Variants in GPSM1 observed in about 807,000 individuals in gnomAD.
The protein encoded by GPSM1 is G protein-signaling modulator 1.
GPSM1 carries 48 observed loss-of-function variants against 70.5 expected under a neutral mutation model. The ratio of observed to expected loss-of-function variants is 0.68; its 90% CI spans 0.54 to 0.87. GPSM1 has a LOEUF of 0.87. Ranked by LOEUF, GPSM1 falls within the 40% of genes least tolerant of loss-of-function variation. GPSM1 has a pLI of 0.00. For missense variants in GPSM1, 981 were observed against 972.6 expected, an observed-to-expected ratio of 1.01 and a Z score of -0.11; for synonymous variants, 416 against 430.1, an observed-to-expected ratio of 0.97 and a Z score of 0.41.
At position 136,341,306 on chromosome 9, in the gene GPSM1, G is replaced by C; in HGVS notation, c.1207+313G>C. Reference sequence around the variant, plus strand: ...CCCTGGAGCCCTCGGTGCAGGGAGGGCTTCTGTCCTCAGACCCAAGTAGGA... The same window carrying C: ...CCCTGGAGCCCTCGGTGCAGGGAGGCCTTCTGTCCTCAGACCCAAGTAGGA... On this transcript the variant is annotated intron_variant, in intron 9 of 13. Coordinates refer to ENST00000440944, the MANE Select transcript of GPSM1 (RefSeq NM_001145638.3). The surrounding 1 kb of genome is among the most constrained non-coding windows in gnomAD (Gnocchi z 6.7). The C allele has an allele frequency of 6.9e-7, 1 of 1,449,920 alleles. No homozygotes were observed. The highest frequency in any genetic ancestry group is 1.5e-5 in the South Asian group (1 of 68,242). The allele number at this position is 1,449,920 out of a possible 1,614,324, so 89.8% of individuals were successfully genotyped here. A position where few individuals can be genotyped will look rare whatever the true frequency, so the allele number is the denominator to read the frequency against.
intron 6 of GPSM1, 62 bp from the exon 7 acceptor site, chr9:136,338,493 T>C (rs1409305459): frequency 6.6e-7 from 1 of 1,517,258 alleles, no homozygotes; most frequent in Non-Finnish European, 8.9e-7. Flanking sequence ...GTCCCCATTC[T>C]TACCTTCCAC....
chr9:136,357,004 G>A (rs1481966132), intron 13 of GPSM1, among the ~76,000 whole-genome samples: 1 of 152,214 alleles, frequency 6.6e-6, no homozygotes, highest in African/African-American at 2.4e-5. Flanking sequence ...GACCATCCAG[G>A]GACCACACAG....
intron 5 of GPSM1, 114 bp downstream of exon 5, chr9:136,337,678 G>T: frequency 9.3e-7 from 1 of 1,077,614 alleles, no homozygotes; most frequent in Non-Finnish European, 1.4e-6. Context: ...CAGCAGGCCC[G>T]CCCCACCGAG....
chr9:136,342,294 A>G lies in GPSM1; in HGVS notation c.1207+1301A>G, dbSNP rs1832410457. Reference sequence around the variant, plus strand: ...ATCTGGGACCCCAGCAGCAACTGGCAGCAGGGCTGGGAGCAGCTCTGGAAA... The same window carrying G: ...ATCTGGGACCCCAGCAGCAACTGGCGGCAGGGCTGGGAGCAGCTCTGGAAA... On this transcript the variant is annotated intron_variant, in intron 9 of 13. Coordinates refer to ENST00000440944, the MANE Select transcript of GPSM1 (RefSeq NM_001145638.3). The surrounding 1 kb of genome is among the most constrained non-coding windows in gnomAD (Gnocchi z 5.5). 6.6e-6 allele frequency among the ~76,000 whole-genome samples: 1 copy of G among 152,150 alleles called. No homozygotes were observed. Among genetic ancestry groups the G allele is most frequent in the Admixed American group, 6.5e-5 (1 of 15,274 alleles).
chr9:136,336,205 A>G, intron 3 of GPSM1, 104 bp downstream of exon 3: 1 of 1,316,310 alleles, frequency 7.6e-7, no homozygotes, highest in Non-Finnish European at 1.0e-6. Context: ...CCAGCTCCTC[A>G]TGGGAGGGAT....
chr9:136,352,025 C>T (rs1554772185), intron 11 of GPSM1, among the ~76,000 whole-genome samples: 1 of 151,334 alleles, frequency 6.6e-6, no homozygotes, highest in East Asian at 1.9e-4. Context: ...CAGTTGGGGT[C>T]CTCATCTGCA....
At chr9:136,338,006 G>C (rs782291012) in intron 6 of GPSM1, 45 bp downstream of exon 6, 3 of 1,293,742 alleles carry the variant, frequency 2.3e-6, no homozygotes, top group Non-Finnish European at 3.3e-6. Flanking sequence ...AGGCCGGGGG[G>C]GCTGGATGCC....
Position 136,340,238 on chromosome 9 carries a change from C to T in GPSM1, c.1083+423C>T, listed in dbSNP as rs1410117554. 1.3e-5 allele frequency among the ~76,000 whole-genome samples: 2 copies of T among 152,172 alleles called. No homozygotes were observed. Among genetic ancestry groups the T allele is most frequent in the Non-Finnish European group, 2.9e-5 (2 of 68,034 alleles). On this transcript the variant is annotated intron_variant, in intron 8 of 13. Coordinates refer to ENST00000440944, the MANE Select transcript of GPSM1 (RefSeq NM_001145638.3). This position sits in a 1 kb window ranked among gnomAD's most constrained non-coding sequence, Gnocchi z 7.3. ...TAAAGACGGTGCCAGCCCCTACTGA[C>T]CACCATAGACCCATGTAGGAGGTGG...
At chr9:136,344,847 G>C (rs1832482165) in intron 9 of GPSM1, among the ~76,000 whole-genome samples, 1 of 152,222 alleles carries the variant, frequency 6.6e-6, no homozygotes, top group Admixed American at 6.5e-5. Context: ...CCTTGTGTGA[G>C]ACCCCCTCCC....
intron 2 of GPSM1, 71 bp from the exon 3 acceptor site, chr9:136,335,895 C>G: frequency 6.6e-7 from 1 of 1,510,270 alleles, no homozygotes; most frequent in Admixed American, 1.9e-5. Context: ...CCACCCCATG[C>G]TCAGCCTCCC....
At chr9:136,339,653 G>A in intron 7 of GPSM1, 54 bp from the exon 8 acceptor site, 2 of 1,252,850 alleles carry the variant, frequency 1.6e-6, no homozygotes, top group Non-Finnish European at 2.3e-6. Flanking sequence ...AGGGGCTGGG[G>A]CTGGGGGCTG....
intron 1 of GPSM1, among the ~76,000 whole-genome samples, chr9:136,329,519 C>T (rs1017636366): frequency 6.6e-6 from 1 of 152,102 alleles, no homozygotes; most frequent in Admixed American, 6.5e-5. Context: ...CACCTGCTGG[C>T]GTGGGCGGTG....
At chr9:136,347,311 C>T (rs1349933964) in intron 9 of GPSM1, among the ~76,000 whole-genome samples, 1 of 152,084 alleles carries the variant, frequency 6.6e-6, no homozygotes, top group Non-Finnish European at 1.5e-5. Flanking sequence ...GTTCTGGCCC[C>T]GCCCTCGGAC....
intron 11 of GPSM1, among the ~76,000 whole-genome samples, chr9:136,350,348 C>A (rs1832630476): frequency 6.6e-6 from 1 of 152,124 alleles, no homozygotes; most frequent in African/African-American, 2.4e-5. Context: ...CCAACACAGT[C>A]CCTGGGGGAA....
At chr9:136,339,482 A>G (rs72775743) in intron 7 of GPSM1, among the ~76,000 whole-genome samples, 143,515 of 152,368 alleles carry the variant, frequency 0.94, 67,667 homozygotes, top group East Asian at 1. Context: ...TAATGGGAAG[A>G]AAAAAGGCAG....
At chr9:136,352,300 TGTTGGTGA>T in intron 11 of GPSM1, among the ~76,000 whole-genome samples, 1 of 147,346 alleles carries the variant, frequency 6.8e-6, no homozygotes, top group Non-Finnish European at 1.5e-5. Context: ...GCGCCGTTGC[TGTTGGTGA>T]CACCGATGCT....
chr9:136,337,325 C>A lies in GPSM1; in HGVS notation c.579-116C>A, dbSNP rs782579763. 27 of 1,455,996 alleles carry A rather than the reference C, an allele frequency of 1.9e-5. 1 individual carries two copies. The South Asian group carries it at 3.2e-4, about 17-fold the overall frequency. The allele number at this position is 1,455,996 out of a possible 1,614,324, so 90.2% of individuals were successfully genotyped here. A position where few individuals can be genotyped will look rare whatever the true frequency, so the allele number is the denominator to read the frequency against. The stretch of plus-strand genomic sequence containing the variant: ...GACCCTGGAGCCTACCCTAGCCACC[C>A]TCTTTCCAGGGCATGGCCCTGAGGC... On this transcript the variant is annotated intron_variant, in intron 4 of 13. Transcript: ENST00000440944.
Position 136,341,006 on chromosome 9 carries a change from G to A in GPSM1, c.1207+13G>A, listed in dbSNP as rs879994779. On this transcript the variant is annotated intron_variant, in intron 9 of 13. Coordinates refer to ENST00000440944, the MANE Select transcript of GPSM1 (RefSeq NM_001145638.3). The surrounding 1 kb of genome is among the most constrained non-coding windows in gnomAD (Gnocchi z 6.7). ...TATGAGGCCCAGGGTGAGTTCCAGG[G>A]TTGTGGGGGGGTCTTGCTCCCCACA... 67 of 1,564,702 alleles carry A rather than the reference G, an allele frequency of 4.3e-5. No individual in the cohort carries two copies. Among genetic ancestry groups the A allele is most frequent in the Non-Finnish European group, 5.5e-5 (64 of 1,155,232 alleles).
At position 136,337,128 on chromosome 9, in the gene GPSM1, C is replaced by T. The variant is rs547123325; in HGVS notation, c.578+56C>T. Reference sequence around the variant, plus strand: ...GGGCTGGCCTGTGCGTTTCTGAGCTCCACAGACACTTCCAGACCCCCGACC... The same window carrying T: ...GGGCTGGCCTGTGCGTTTCTGAGCTTCACAGACACTTCCAGACCCCCGACC... On this transcript the variant is annotated intron_variant, in intron 4 of 13. Coordinates refer to ENST00000440944, the MANE Select transcript of GPSM1 (RefSeq NM_001145638.3). 423 of 1,448,400 alleles carry T rather than the reference C, an allele frequency of 2.9e-4. 5 individuals carry two copies. In the East Asian group the frequency reaches 0.01, roughly 35 times the overall value. 89.7% of individuals were successfully genotyped at this position (1,448,400 alleles called of 1,614,324 possible).
Sources: allele counts gnomAD v4.1 joint callset (sites outside exome capture counted in the v4.1 genomes callset), GRCh38; gene constraint gnomAD v4.1.1; non-coding constraint Gnocchi (gnomAD v3.1); transcripts MANE v1.5; gene names NCBI Gene and HGNC (gene_info 2026-07-23, HGNC 2026-07-21).